The following SATB2 variants were observed in gnomAD, a reference collection of about 807,000 sequenced individuals.
The protein encoded by SATB2 is SATB homeobox 2.
In SATB2, 1 loss-of-function variant was observed where a neutral mutation model predicts 73.4. The ratio of observed to expected loss-of-function variants is 0.01; its 90% CI spans 0.00 to 0.06. SATB2 has a LOEUF of 0.06. SATB2 is among the 10% of genes least tolerant of loss of function. SATB2 has a pLI of 1.00. For synonymous variants in SATB2, 397 were observed against 367.0 expected (o/e 1.08, Z -0.93); for missense variants, 459 against 945.8 (o/e 0.49, Z 6.75).
chr2:199,405,147 A>G (rs928155800), intron 3 of SATB2, among the ~76,000 whole-genome samples: 1 of 152,184 alleles, frequency 6.6e-6, no homozygotes, highest in East Asian at 1.9e-4. Context: ...AACTAACCTG[A>G]AATGTCTTTG....
intron 6 of SATB2, among the ~76,000 whole-genome samples, chr2:199,355,128 A>G: frequency 6.6e-6 from 1 of 151,798 alleles, no homozygotes; most frequent in South Asian, 2.1e-4. Flanking sequence ...TATATATTTT[A>G]GGTTGTTACA....
chr2:199,456,828 G>C (rs1054688127), intron 1 of SATB2, among the ~76,000 whole-genome samples: 1 of 152,128 alleles, frequency 6.6e-6, no homozygotes, highest in South Asian at 2.1e-4. Context: ...AAACACAAAA[G>C]CAAAAAGCAT....
rs1688730445 is a variant in SATB2, at chr2:199,348,867, T to C, written c.1007A>G (p.Asn336Ser). 1 of 1,614,014 alleles carries C rather than the reference T, an allele frequency of 6.2e-7. No homozygotes were observed. The highest frequency in any genetic ancestry group is 1.3e-5 in the African/African-American group (1 of 74,916). The change falls in exon 7 of 11, where the codon AAC becomes AGC. Residue 336 changes from asparagine to serine, a missense_variant. Asn to Ser is a conservative substitution (Grantham distance 46). Coordinates refer to ENST00000417098, the MANE Select transcript of SATB2 (RefSeq NM_001172509.2). Reference sequence around the variant, plus strand: ...GGGTGGATGGTTCAGGAACTGCTGGTTGATGGCTTGAGGATGCTGGTGAGC... The same window carrying C: ...GGGTGGATGGTTCAGGAACTGCTGGCTGATGGCTTGAGGATGCTGGTGAGC... Reference protein sequence around the residue: ...LLAHQHPQAINQQFLNHPPIP... With the variant: ...LLAHQHPQAISQQFLNHPPIP...
At chr2:199,465,385 C>A (rs910139659), upstream of SATB2, among the ~76,000 whole-genome samples, 5 of 152,236 alleles carry the variant, frequency 3.3e-5, no homozygotes, top group African/African-American at 1.2e-4. Flanking sequence ...GACAGAAAGA[C>A]ATCTGCAGTG....
intron 3 of SATB2, among the ~76,000 whole-genome samples, chr2:199,391,102 T>C (rs929238381): frequency 6.6e-6 from 1 of 152,218 alleles, no homozygotes; most frequent in Non-Finnish European, 1.5e-5. Context: ...CTGGTAGAAG[T>C]GGCAACTGCT....
chr2:199,304,947 CT>C lies in SATB2; in HGVS notation c.1740+3812del, dbSNP rs201597168. Among the ~76,000 whole-genome samples the C allele has an allele frequency of 7.6e-3, 1,158 of 152,260 alleles. 13 individuals carry two copies. The highest frequency in any genetic ancestry group is 0.026 in the African/African-American group (1,087 of 41,538). ...CAGCGTGGTCTCAGCTATAATCTTG[CT>C]TCATCTCTGAAGAGAAATGCCATCA... On this transcript the variant is annotated intron_variant, in intron 10 of 10. Transcript: ENST00000417098.
At chr2:199,319,311 A>T (rs923223250) in intron 9 of SATB2, among the ~76,000 whole-genome samples, 3 of 152,070 alleles carry the variant, frequency 2.0e-5, no homozygotes, top group African/African-American at 7.2e-5. Context: ...AGCATGGAGG[A>T]TTGGCAGAGG....
At chr2:199,435,611 TG>T (rs1189568778) in intron 2 of SATB2, among the ~76,000 whole-genome samples, 3 of 152,214 alleles carry the variant, frequency 2.0e-5, no homozygotes, top group African/African-American at 7.2e-5. Context: ...CCCAAAGTGC[TG>T]GGATTACAGG....
intron 3 of SATB2, 86 bp from the exon 4 acceptor site, chr2:199,381,906 C>T: frequency 1.4e-6 from 2 of 1,440,216 alleles, no homozygotes; most frequent in Admixed American, 1.9e-5. Flanking sequence ...GAAGGTCATT[C>T]AATCATCAAC....
rs1687484211 is a variant in SATB2 at position 199,308,019 on chromosome 2, A to G, written c.1740+741T>C. 1.3e-5 allele frequency among the ~76,000 whole-genome samples: 2 copies of G among 152,154 alleles called. No homozygotes were observed. Among genetic ancestry groups the G allele is most frequent in the African/African-American group, 2.4e-5 (1 of 41,428 alleles). ...GGCCCATCTTATAACCTACCAAAAC[A>G]ATTTGTGGGCCAAACTCTAGGGGGT... On this transcript the variant is annotated intron_variant, in intron 10 of 10. Coordinates refer to ENST00000417098, the MANE Select transcript of SATB2 (RefSeq NM_001172509.2). This position sits in a 1 kb window ranked among gnomAD's most constrained non-coding sequence, Gnocchi z 4.6.
chr2:199,347,957 C>T (rs1026679159), intron 7 of SATB2: 7 of 152,300 alleles, frequency 4.6e-5, no homozygotes, highest in African/African-American at 1.4e-4. Context: ...CAATCAGAAA[C>T]TATGGGATGA....
In SATB2 at chr2:199,454,074, T is replaced by C. The variant is rs556032880; in HGVS notation, c.169+1795A>G. On this transcript the variant is annotated intron_variant, in intron 2 of 10. Coordinates refer to ENST00000417098, the MANE Select transcript of SATB2 (RefSeq NM_001172509.2). ...CACATAAGGGCTCAAATGTGAACTA[T>C]AGTCTCAGAAAATTTGAAAACCAAC... 7.9e-5 allele frequency among the ~76,000 whole-genome samples: 12 copies of C among 152,212 alleles called. 1 individual carries two copies. Among genetic ancestry groups the C allele is most frequent in the Admixed American group, 5.9e-4 (9 of 15,290 alleles).
In SATB2 at chr2:199,270,068, T is replaced by C. The variant is rs568567141; in HGVS notation, c.*2143A>G. The C allele has an allele frequency of 2.6e-5, 4 of 152,658 alleles. No individual in the cohort carries two copies. Among genetic ancestry groups the C allele is most frequent in the Non-Finnish European group, 5.9e-5 (4 of 68,028 alleles). The allele number at this position is 152,658 out of a possible 1,614,324, so 9.5% of individuals were successfully genotyped here. On this transcript the variant is annotated 3_prime_UTR_variant, in exon 11 of 11. Coordinates refer to ENST00000417098, the MANE Select transcript of SATB2 (RefSeq NM_001172509.2). Reference sequence around the variant, plus strand: ...CTTCAGCAACAGTGTAAGAAGACAATTTGGAAAGAGTAACTCGGAGATCAG... The same window carrying C: ...CTTCAGCAACAGTGTAAGAAGACAACTTGGAAAGAGTAACTCGGAGATCAG...
At chr2:199,321,130 C>T (rs955636049) in intron 9 of SATB2, among the ~76,000 whole-genome samples, 1 of 151,976 alleles carries the variant, frequency 6.6e-6, no homozygotes, top group African/African-American at 2.4e-5. Flanking sequence ...TGTTCCTCTC[C>T]GTCCTCACAA....
chr2:199,422,486 C>G (rs975614513), intron 3 of SATB2, among the ~76,000 whole-genome samples: 4 of 152,062 alleles, frequency 2.6e-5, no homozygotes, highest in African/African-American at 9.7e-5. Flanking sequence ...AAAACAAGCT[C>G]CCCACTCAAT....
At chr2:199,391,910 G>A (rs1574581845) in intron 3 of SATB2, among the ~76,000 whole-genome samples, 1 of 152,180 alleles carries the variant, frequency 6.6e-6, no homozygotes, top group Non-Finnish European at 1.5e-5. Context: ...GTTATCCTGT[G>A]GCAGCTGGAC....
intron 10 of SATB2, among the ~76,000 whole-genome samples, chr2:199,276,884 C>T (rs1459009696): frequency 6.6e-6 from 1 of 152,142 alleles, no homozygotes; most frequent in East Asian, 1.9e-4. Context: ...AACGCATGCT[C>T]ATAGCAGTTT....
chr2:199,415,054 G>A (rs1308070689), intron 3 of SATB2, among the ~76,000 whole-genome samples: 24 of 152,162 alleles, frequency 1.6e-4, no homozygotes, highest in Admixed American at 1.6e-3. Context: ...TAGAATGAGT[G>A]CAACAGAGAA....
intron 7 of SATB2, among the ~76,000 whole-genome samples, chr2:199,340,985 A>C (rs570657771): frequency 6.6e-6 from 1 of 152,268 alleles, no homozygotes; most frequent in African/African-American, 2.4e-5. Context: ...CTATTAAGGA[A>C]GATTCGCTGT....
Sources: gnomAD v4.1 joint callset for allele counts (sites outside exome capture counted in the v4.1 genomes callset) on GRCh38, gnomAD v4.1.1 for gene constraint, Gnocchi (gnomAD v3.1) non-coding constraint, MANE v1.5 for transcripts, NCBI Gene and HGNC (gene_info 2026-07-23, HGNC 2026-07-21) for gene names.